USP46: variants seen among roughly 807,000 people sequenced by gnomAD.
USP46 encodes the protein ubiquitin specific peptidase 46.
Under a neutral mutation model 44.4 loss-of-function variants are expected in USP46, and 12 were observed. The observed-to-expected ratio is 0.27, with a 90% CI of 0.17 to 0.44. The LOEUF is 0.44. USP46 is among the 20% of genes least tolerant of loss of function. The pLI is 1.00. For missense variants in USP46, 248 were observed against 444.8 expected, an observed-to-expected ratio of 0.56 and a Z score of 3.98; for synonymous variants, 155 against 161.5, an observed-to-expected ratio of 0.96 and a Z score of 0.31.
At chr4:52,632,904 GAGAA>G (rs1309590954) in intron 1 of USP46, among the ~76,000 whole-genome samples, 4 of 86,884 alleles carry the variant, frequency 4.6e-5, no homozygotes, top group Admixed American at 1.4e-4. Context: ...GGAAGGGAAA[GAGAA>G]AGAAAGAAAG....
chr4:52,638,161 T>C (rs889654355), intron 1 of USP46, among the ~76,000 whole-genome samples: 1 of 152,282 alleles, frequency 6.6e-6, no homozygotes, highest in East Asian at 1.9e-4. Flanking sequence ...TCTTGGATTA[T>C]CCCAGGAGAC....
intron 4 of USP46, among the ~76,000 whole-genome samples, chr4:52,617,082 T>C (rs926323912): frequency 3.3e-5 from 5 of 152,188 alleles, no homozygotes; most frequent in African/African-American, 1.2e-4. Flanking sequence ...ATTCCCAGCA[T>C]TTAATAGGAA....
At chr4:52,616,269 A>G (rs1200541296) in intron 4 of USP46, among the ~76,000 whole-genome samples, 2 of 152,222 alleles carry the variant, frequency 1.3e-5, no homozygotes, top group Non-Finnish European at 2.9e-5. Flanking sequence ...GCTGTCCCCA[A>G]CAACAAAGAA....
chr4:52,612,313 C>A (rs1027878133), intron 4 of USP46, among the ~76,000 whole-genome samples: 2 of 152,204 alleles, frequency 1.3e-5, no homozygotes, highest in African/African-American at 4.8e-5. Flanking sequence ...TCTCTACCAT[C>A]CTGTTTTAAT....
intron 1 of USP46, among the ~76,000 whole-genome samples, chr4:52,631,798 G>A (rs1717837201): frequency 6.6e-6 from 1 of 152,100 alleles, no homozygotes; most frequent in Non-Finnish European, 1.5e-5. Context: ...TTGAGGTCAG[G>A]AGTTTCAAAC....
At chr4:52,598,518 C>A in intron 8 of USP46, 110 bp downstream of exon 8, 2 of 1,192,312 alleles carry the variant, frequency 1.7e-6, no homozygotes, top group Non-Finnish European at 1.2e-6. Context: ...AAGTTGTTTT[C>A]AAATTACATT....
chr4:52,658,981 G>A, intron 1 of USP46, 134 bp downstream of exon 1: 2 of 1,127,520 alleles, frequency 1.8e-6, no homozygotes. Flanking sequence ...CCCAGCTCGG[G>A]GGCCGGGAAC....
chr4:52,638,650 ATTT>A (rs932011531), intron 1 of USP46, among the ~76,000 whole-genome samples: 2 of 147,566 alleles, frequency 1.4e-5, no homozygotes, highest in Non-Finnish European at 3.0e-5. Context: ...TTATATATAT[ATTT>A]TTTTTATGAA....
intron 4 of USP46, among the ~76,000 whole-genome samples, chr4:52,612,885 T>C (rs921256888): frequency 3.3e-5 from 5 of 152,222 alleles, no homozygotes; most frequent in African/African-American, 1.2e-4. Flanking sequence ...TCCTTTTATA[T>C]GTTTTATTTT....
At chr4:52,627,375 T>G (rs1003128882) in intron 3 of USP46, among the ~76,000 whole-genome samples, 3 of 152,188 alleles carry the variant, frequency 2.0e-5, no homozygotes, top group African/African-American at 7.2e-5. Flanking sequence ...AATACAAAAC[T>G]TCTGGAATAC....
intron 4 of USP46, among the ~76,000 whole-genome samples, chr4:52,617,051 A>G (rs1472555292): frequency 1.3e-5 from 2 of 152,254 alleles, no homozygotes. Flanking sequence ...TTTAACTGCT[A>G]TATCCTTAGT....
At chr4:52,637,940 C>A (rs920209522) in intron 1 of USP46, among the ~76,000 whole-genome samples, 4 of 152,122 alleles carry the variant, frequency 2.6e-5, no homozygotes, top group African/African-American at 7.2e-5. Flanking sequence ...TGTGTCCCAG[C>A]ATCCTGCAAG....
At chr4:52,657,292 CCTGA>C (rs1461593607) in intron 1 of USP46, among the ~76,000 whole-genome samples, 2 of 152,106 alleles carry the variant, frequency 1.3e-5, no homozygotes, top group African/African-American at 4.8e-5. Context: ...ACCCTGTCTC[CCTGA>C]CTGAGTTTCA....
Position 52,627,951 on chromosome 4 carries a change from A to G in USP46, c.330T>C (p.Asn110=). The part of the protein sequence containing the change: ...KKFISRLRKE[N]DLFDNYMQQD... ...TACATTATACTGCATACTACTCACC[A>G]TTCTCTTTTCTCAGCCTTGAAATGA... is the stretch of plus-strand genomic sequence containing the variant. The change falls in exon 3 of 9, where the codon AAT becomes AAC. Residue 110 remains asparagine, a splice_region_variant and synonymous_variant. Coordinates refer to ENST00000441222, the MANE Select transcript of USP46 (RefSeq NM_022832.4). The G allele has an allele frequency of 1.2e-6, 2 of 1,612,184 alleles. No homozygotes were observed. The highest frequency in any genetic ancestry group is 1.3e-5 in the African/African-American group (1 of 75,022).
chr4:52,632,987 A>AG (rs1553891246), intron 1 of USP46, among the ~76,000 whole-genome samples: 518 of 39,762 alleles, frequency 0.013, 16 homozygotes, highest in African/African-American at 0.05. Flanking sequence ...AAAGAAAGAA[A>AG]AGAAAAGAAA....
intron 4 of USP46, among the ~76,000 whole-genome samples, chr4:52,611,162 G>C (rs548130323): frequency 2.6e-5 from 4 of 152,262 alleles, no homozygotes; most frequent in East Asian, 1.9e-4. Flanking sequence ...CTGTCCTTTG[G>C]CCAGGAAGTG....
At chr4:52,614,872 G>A (rs1030008201) in intron 4 of USP46, among the ~76,000 whole-genome samples, 1 of 152,114 alleles carries the variant, frequency 6.6e-6, no homozygotes, top group Non-Finnish European at 1.5e-5. Flanking sequence ...GGTAGAGTGG[G>A]AGCAGAGGGA....
At chr4:52,640,706 T>C (rs1219500804) in intron 1 of USP46, among the ~76,000 whole-genome samples, 1 of 150,116 alleles carries the variant, frequency 6.7e-6, no homozygotes, top group African/African-American at 2.5e-5. Flanking sequence ...CTCAGGAGAC[T>C]GAGGCAGGGG....
Position 52,639,148 on chromosome 4 carries a change from T to A in USP46, c.37-8004A>T, listed in dbSNP as rs536579202. Among the ~76,000 whole-genome samples, 64 of 152,364 alleles carry A rather than the reference T, an allele frequency of 4.2e-4. 1 individual carries two copies. The highest frequency in any genetic ancestry group is 1.4e-3 in the African/African-American group (60 of 41,592). ...TGGGGAATGTTTCATGAGATCATGA[T>A]GATAATTGCTTAAAGATAAATTAAG... On this transcript the variant is annotated intron_variant, in intron 1 of 8. Coordinates refer to ENST00000441222, the MANE Select transcript of USP46 (RefSeq NM_022832.4).
Sources: gnomAD v4.1 joint callset for allele counts (sites outside exome capture counted in the v4.1 genomes callset) on GRCh38, gnomAD v4.1.1 for gene constraint, MANE v1.5 for transcripts, NCBI Gene and HGNC (gene_info 2026-07-23, HGNC 2026-07-21) for gene names.